The following SMO variants were observed in gnomAD, a reference collection of about 807,000 sequenced individuals.
SMO encodes protein smoothened.
In SMO, 40 loss-of-function variants were observed where a neutral mutation model predicts 81.6. That is an observed-to-expected ratio of 0.49 (90% CI 0.38 to 0.64). The LOEUF is 0.64. Ranked by LOEUF, SMO falls within the 30% of genes least tolerant of loss-of-function variation. The probability of loss-of-function intolerance (pLI) is 0.00; values close to 1 mark genes in which losing one functional copy is unlikely to be tolerated. For synonymous variants in SMO, 434 were observed against 432.1 expected, an observed-to-expected ratio of 1.00 and a Z score of -0.05; for missense variants, 916 against 1,061.1, an observed-to-expected ratio of 0.86 and a Z score of 1.90.
In SMO at chr7:129,205,429, C is replaced by T. The variant is rs2150648639; in HGVS notation, c.747+17C>T. 1 of 1,601,994 alleles carries T rather than the reference C, an allele frequency of 6.2e-7. No individual in the cohort carries two copies. The highest frequency in any genetic ancestry group is 8.5e-7 in the Non-Finnish European group (1 of 1,173,302). ...TTCACCCTGGTCAGCCGCGGGAGGG[C>T]AGGCCCGGGGGGCCCTCAGCCTGGA... On this transcript the variant is annotated intron_variant, in intron 3 of 11. Coordinates refer to ENST00000249373, the MANE Select transcript of SMO (RefSeq NM_005631.5).
intron 1 of SMO, among the ~76,000 whole-genome samples, chr7:129,192,214 G>T (rs1283884865): frequency 6.6e-6 from 1 of 152,190 alleles, no homozygotes; most frequent in Non-Finnish European, 1.5e-5. Context: ...CCGAGGGAGA[G>T]TTGAGGTTTG....
At position 129,210,306 on chromosome 7, in the gene SMO, A is replaced by G. The variant is rs552410955; in HGVS notation, c.1467-57A>G. The G allele has an allele frequency of 7.7e-4, 1,129 of 1,462,328 alleles. 18 individuals carry two copies. In the South Asian group the frequency reaches 0.012, roughly 16 times the overall value. 90.6% of individuals were successfully genotyped at this position (1,462,328 alleles called of 1,614,324 possible). On this transcript the variant is annotated intron_variant, in intron 8 of 11. Coordinates refer to ENST00000249373, the MANE Select transcript of SMO (RefSeq NM_005631.5). This position sits in a 1 kb window ranked among gnomAD's most constrained non-coding sequence, Gnocchi z 4.7. ...GGTGACAGAGCAAGATCCTATCTCA[A>G]AAAAAGAGAGAGGAAAAGAAAGGAA...
rs199960351 is a variant in SMO at position 129,206,571 on chromosome 7, C to G, written c.1248C>G (p.Gly416=). 3.5e-4 allele frequency: 557 copies of G among 1,614,048 alleles called. 1 individual carries two copies. The highest frequency in any genetic ancestry group is 4.9e-4 in the Middle Eastern group (3 of 6,084). ...TCGGCCTGGTGCTCATCGTGGGAGGCTACTTCCTCATCCGAGGTGAGTGAA... is the reference window on the plus strand; with the variant it reads ...TCGGCCTGGTGCTCATCGTGGGAGGGTACTTCCTCATCCGAGGTGAGTGAA... The part of the protein sequence containing the change: ...APIGLVLIVG[G]YFLIRGVMTL... Residue 416 remains glycine (G), a synonymous_variant, in exon 6 of 12, where the codon GGC becomes GGG. Coordinates refer to ENST00000249373, the MANE Select transcript of SMO (RefSeq NM_005631.5). This position sits in a 1 kb window ranked among gnomAD's most constrained non-coding sequence, Gnocchi z 4.4.
In SMO at chr7:129,212,212, C is replaced by A. The variant is rs759996530; in HGVS notation, c.2125C>A (p.Arg709=). The A allele has an allele frequency of 6.4e-7, 1 of 1,572,950 alleles. No homozygotes were observed. ...CATTCCTCGACTGCCTCAGCTGCCCCGGCAGAAATGCCTGGTGGCTGCAGG... is the reference window on the plus strand; with the variant it reads ...CATTCCTCGACTGCCTCAGCTGCCCAGGCAGAAATGCCTGGTGGCTGCAGG... ...STIPRLPQLP[R]QKCLVAAGAW... Residue 709 remains arginine (R), a synonymous_variant, in exon 12 of 12, where the codon CGG becomes AGG. Transcript: ENST00000249373. This position sits in a 1 kb window ranked among gnomAD's most constrained non-coding sequence, Gnocchi z 5.0.
chr7:129,212,634 T>A lies in SMO; in HGVS notation c.*183T>A. 1 of 628,910 alleles carries A rather than the reference T, an allele frequency of 1.6e-6. No individual in the cohort carries two copies. The highest frequency in any genetic ancestry group is 2.7e-6 in the Non-Finnish European group (1 of 365,792). 39.0% of individuals were successfully genotyped at this position (628,910 alleles called of 1,614,324 possible). A position where few individuals can be genotyped will look rare whatever the true frequency, so the allele number is the denominator to read the frequency against. On this transcript the variant is annotated 3_prime_UTR_variant, in exon 12 of 12. Coordinates refer to ENST00000249373, the MANE Select transcript of SMO (RefSeq NM_005631.5). The surrounding 1 kb of genome is among the most constrained non-coding windows in gnomAD (Gnocchi z 5.0). Reference sequence around the variant, plus strand: ...GGACTGTGGGAAAGAGCCTAACATCTCCATGGGGAGGCCTCACCCCAGGGA... The same window carrying A: ...GGACTGTGGGAAAGAGCCTAACATCACCATGGGGAGGCCTCACCCCAGGGA...
chr7:129,189,931 G>A lies in SMO; in HGVS notation c.331+449G>A, dbSNP rs998181602. ...AAGAGGTTTAGACATTTGGAGGGAA[G>A]GGTAGGGGGACATGATCGAGTGAAG... On this transcript the variant is annotated intron_variant, in intron 1 of 11. Coordinates refer to ENST00000249373, the MANE Select transcript of SMO (RefSeq NM_005631.5). The surrounding 1 kb of genome is among the most constrained non-coding windows in gnomAD (Gnocchi z 4.7). Among the ~76,000 whole-genome samples the A allele has an allele frequency of 2.0e-5, 3 of 152,060 alleles. No individual in the cohort carries two copies. Among genetic ancestry groups the A allele is most frequent in the African/African-American group, 7.3e-5 (3 of 41,378 alleles).
chr7:129,202,079 G>T (rs1360173724), intron 1 of SMO, among the ~76,000 whole-genome samples: 1 of 152,158 alleles, frequency 6.6e-6, no homozygotes, highest in African/African-American at 2.4e-5. Context: ...TACTCTGAAG[G>T]CTGGGAGCAG....
chr7:129,190,963 A>G, intron 1 of SMO, among the ~76,000 whole-genome samples: 1 of 151,850 alleles, frequency 6.6e-6, no homozygotes, highest in Non-Finnish European at 1.5e-5. Context: ...CATGCAAAAG[A>G]CTGAAATAAT....
intron 2 of SMO, among the ~76,000 whole-genome samples, chr7:129,203,986 A>G (rs1413134284): frequency 6.6e-6 from 1 of 152,026 alleles, no homozygotes; most frequent in African/African-American, 2.4e-5. Flanking sequence ...GAGGTCTTCA[A>G]TGAAAATAAT....
intron 2 of SMO, among the ~76,000 whole-genome samples, chr7:129,204,767 C>T (rs1793731100): frequency 1.3e-5 from 2 of 152,154 alleles, no homozygotes; most frequent in South Asian, 4.1e-4. Flanking sequence ...CCTGTAATCC[C>T]AGCACTTTGG....
intron 1 of SMO, among the ~76,000 whole-genome samples, chr7:129,195,942 A>T (rs906568884): frequency 6.6e-6 from 1 of 151,926 alleles, no homozygotes; most frequent in African/African-American, 2.4e-5. Context: ...TCTACTAAAA[A>T]TACAAAAAAT....
intron 1 of SMO, among the ~76,000 whole-genome samples, chr7:129,192,011 G>A (rs1793488443): frequency 6.6e-6 from 1 of 151,756 alleles, no homozygotes; most frequent in Non-Finnish European, 1.5e-5. Flanking sequence ...CTCAATACCA[G>A]GAGTTTAAGA....
Position 129,208,982 on chromosome 7 carries a change from G to A in SMO, c.1357+131G>A, listed in dbSNP as rs1029557977. On this transcript the variant is annotated intron_variant, in intron 7 of 11. Coordinates refer to ENST00000249373, the MANE Select transcript of SMO (RefSeq NM_005631.5). This position sits in a 1 kb window ranked among gnomAD's most constrained non-coding sequence, Gnocchi z 5.2. ...AGCCATAGGGACAAGGACAAGGGGTGTGTGTAGGTGGTAGTGGTAGTGGCA... is the reference window on the plus strand; with the variant it reads ...AGCCATAGGGACAAGGACAAGGGGTATGTGTAGGTGGTAGTGGTAGTGGCA... 1 of 674,108 alleles carries A rather than the reference G, an allele frequency of 1.5e-6. No individual in the cohort carries two copies. The highest frequency in any genetic ancestry group is 1.7e-5 in the South Asian group (1 of 59,948). 41.8% of individuals were successfully genotyped at this position (674,108 alleles called of 1,614,324 possible).
At chr7:129,198,964 G>A (rs58512061) in intron 1 of SMO, among the ~76,000 whole-genome samples, 1 of 152,262 alleles carries the variant, frequency 6.6e-6, no homozygotes, top group African/African-American at 2.4e-5. Flanking sequence ...TGATGGATAT[G>A]GATTCAAGCT....
intron 3 of SMO, 43 bp from the exon 4 acceptor site, chr7:129,205,567 G>A (rs768338820): frequency 3.8e-6 from 6 of 1,591,064 alleles, no homozygotes; most frequent in Middle Eastern, 1.7e-4. Flanking sequence ...TGTGTCAGCA[G>A]AATAACCCTA....
rs148130645 is a variant in SMO at position 129,211,965 on chromosome 7, G to C, written c.1937-59G>C. ...TAACAGGTTAAGTGCTCCCAGGGGA[G>C]CGGGGGTGGCATGGACAGAGCCAGG... On this transcript the variant is annotated intron_variant, in intron 11 of 11. Transcript: ENST00000249373. This position sits in a 1 kb window ranked among gnomAD's most constrained non-coding sequence, Gnocchi z 4.6. 2,129 of 1,497,848 alleles carry C rather than the reference G, an allele frequency of 1.4e-3. 25 individuals are homozygous for C. The African/African-American group carries it at 0.027, about 19-fold the overall frequency. 92.8% of individuals were successfully genotyped at this position (1,497,848 alleles called of 1,614,324 possible). A position where few individuals can be genotyped will look rare whatever the true frequency, so the allele number is the denominator to read the frequency against.
At position 129,189,526 on chromosome 7, in the gene SMO, G is replaced by A. The variant is rs368604638; in HGVS notation, c.331+44G>A. 1.6e-5 allele frequency: 25 copies of A among 1,529,188 alleles called. No individual in the cohort carries two copies. In the African/African-American group the frequency reaches 2.7e-4, roughly 17 times the overall value. The allele number at this position is 1,529,188 out of a possible 1,614,324, so 94.7% of individuals were successfully genotyped here. A position where few individuals can be genotyped will look rare whatever the true frequency, so the allele number is the denominator to read the frequency against. On this transcript the variant is annotated intron_variant, in intron 1 of 11. Coordinates refer to ENST00000249373, the MANE Select transcript of SMO (RefSeq NM_005631.5). The surrounding 1 kb of genome is among the most constrained non-coding windows in gnomAD (Gnocchi z 4.7). ...GGTCTGGGGGGCGGGAGGTGCCGCGGTAAGATGGGGGCACCCTTGGAAAGA... is the reference window on the plus strand; with the variant it reads ...GGTCTGGGGGGCGGGAGGTGCCGCGATAAGATGGGGGCACCCTTGGAAAGA...
At position 129,203,425 on chromosome 7, in the gene SMO, C is replaced by T. The variant is rs2150646537; in HGVS notation, c.373C>T (p.Leu125=). Reference sequence around the variant, plus strand: ...CCGCTGCTGGGCAGTGATCCAGCCCCTGCTGTGTGCCGTATACATGCCCAA... The same window carrying T: ...CCGCTGCTGGGCAGTGATCCAGCCCTTGCTGTGTGCCGTATACATGCCCAA... ...APRCWAVIQP[L]LCAVYMPKCE... is the part of the protein sequence containing the mutation. The change falls in exon 2 of 12, where the codon CTG becomes TTG. Residue 125 remains leucine (L), a synonymous_variant. Transcript: ENST00000249373. 6.4e-7 allele frequency: 1 copy of T among 1,559,704 alleles called. No homozygotes were observed. The highest frequency in any genetic ancestry group is 1.9e-5 in the Admixed American group (1 of 52,012).
At position 129,206,366 on chromosome 7, in the gene SMO, G is replaced by T. The variant is rs35678076; in HGVS notation, c.1137G>T (p.Ala379=). Residue 379 remains alanine, a synonymous_variant, in exon 5 of 12, where the codon GCG becomes GCT. Coordinates refer to ENST00000249373, the MANE Select transcript of SMO (RefSeq NM_005631.5). The surrounding 1 kb of genome is among the most constrained non-coding windows in gnomAD (Gnocchi z 4.4). ...TCACTGTGGCAATCCTTGCTGTGGCGCAGGTATAGTGACTGGTAGGAACGG... is the reference window on the plus strand; with the variant it reads ...TCACTGTGGCAATCCTTGCTGTGGCTCAGGTATAGTGACTGGTAGGAACGG... ...FVLTVAILAV[A]QVDGDSVSGI... 1.2e-6 allele frequency: 2 copies of T among 1,614,118 alleles called. No individual in the cohort carries two copies. Among genetic ancestry groups the T allele is most frequent in the Non-Finnish European group, 1.7e-6 (2 of 1,179,998 alleles).
Sources: gnomAD v4.1 joint callset for allele counts (sites outside exome capture counted in the v4.1 genomes callset) on GRCh38, gnomAD v4.1.1 for gene constraint, Gnocchi (gnomAD v3.1) non-coding constraint, MANE v1.5 for transcripts, NCBI Gene and HGNC (gene_info 2026-07-23, HGNC 2026-07-21) for gene names.